Variants in RBM4 observed in about 807,000 individuals in gnomAD.
The protein encoded by RBM4 is RNA binding motif protein 4.
A neutral mutation model predicts 29.5 loss-of-function variants in RBM4; 7 were observed. That is an observed-to-expected ratio of 0.24 (90% CI 0.14 to 0.45). RBM4 has a LOEUF of 0.45. Among genes scored for constraint, RBM4 ranks in the 20% least tolerant of loss-of-function variants. The probability of loss-of-function intolerance (pLI) is 1.00; values close to 1 mark genes in which losing one functional copy is unlikely to be tolerated. For synonymous variants in RBM4, 220 were observed against 205.4 expected, an observed-to-expected ratio of 1.07 and a Z score of -0.61; for missense variants, 387 against 502.3, an observed-to-expected ratio of 0.77 and a Z score of 2.19.
intron 2 of RBM4, among the ~76,000 whole-genome samples, chr11:66,654,754 G>A (rs1168797399): frequency 6.7e-6 from 1 of 148,168 alleles, no homozygotes; most frequent in Non-Finnish European, 1.5e-5. Flanking sequence ...CTGCGCTTAA[G>A]TGATCATCCT....
intron 2 of RBM4, among the ~76,000 whole-genome samples, chr11:66,657,191 T>C (rs1373528066): frequency 3.4e-5 from 5 of 147,416 alleles, no homozygotes; most frequent in Non-Finnish European, 7.4e-5. Flanking sequence ...TATGGCTCAA[T>C]GCAGCCTCAA....
rs746698768 is a variant in RBM4, at chr11:66,660,649, C to CT, written c.413-5190dup. Among the ~76,000 whole-genome samples the CT allele has an allele frequency of 3.0e-3, 401 of 132,570 alleles. No homozygotes were observed. In the East Asian group the frequency reaches 0.035, roughly 12 times the overall value. 87.0% of individuals were successfully genotyped at this position (132,570 alleles called of 152,430 possible). On this transcript the variant is annotated intron_variant, in intron 2 of 2. Transcript: ENST00000396053. ...GGTAGGCCACTGCACCCGACCTAAA[C>CT]TTTTTTTTTTTTTTTTTAATTTGAG...
At position 66,644,070 on chromosome 11, in the gene RBM4, TACG is replaced by T; in HGVS notation, c.1036_1038del (p.Asp346del). The T allele has an allele frequency of 6.2e-7, 1 of 1,614,060 alleles. No homozygotes were observed. The highest frequency in any genetic ancestry group is 8.5e-7 in the Non-Finnish European group (1 of 1,180,012). On this transcript the variant is annotated inframe_deletion, in exon 3 of 4. Transcript: ENST00000310092. ...TTCAGCAGCCGCGCGGAATTCTCTG[TACG>T]ACATGGCCCGGTATGAGCGGGAGCA...
chr11:66,657,190 A>G (rs1226415257), intron 2 of RBM4, among the ~76,000 whole-genome samples: 3 of 147,116 alleles, frequency 2.0e-5, no homozygotes, highest in African/African-American at 7.6e-5. Flanking sequence ...GTATGGCTCA[A>G]TGCAGCCTCA....
At position 66,644,115 on chromosome 11, in the gene RBM4, C is replaced by T. The variant is rs747251184; in HGVS notation, c.1078C>T (p.Arg360Trp). 35 of 1,613,146 alleles carry T rather than the reference C, an allele frequency of 2.2e-5. No homozygotes were observed. The highest frequency in any genetic ancestry group is 3.3e-5 in the Admixed American group (2 of 59,922). Residue 360 changes from arginine to tryptophan, a missense_variant, in exon 3 of 4, where the codon CGG becomes TGG. This residue lies in a region of RBM4 where 281 missense variants were observed against 288.7 expected (regional missense o/e 0.97). Coordinates refer to ENST00000310092, the MANE Select transcript of RBM4 (RefSeq NM_002896.4). ...YEREQYADRA[R>W]YSAF ...GCGGGAGCAGTATGCCGATCGGGCG[C>T]GGTACTCAGCCTTTTAAAGCTTGAG...
At chr11:66,655,791 A>G (rs1182512013) in intron 2 of RBM4, among the ~76,000 whole-genome samples, 1 of 152,196 alleles carries the variant, frequency 6.6e-6, no homozygotes, top group African/African-American at 2.4e-5. Flanking sequence ...CAGATCTAGT[A>G]GTTAATCTTC....
At chr11:66,648,524 A>G (rs1293168770), downstream of RBM4, among the ~76,000 whole-genome samples, 1 of 151,488 alleles carries the variant, frequency 6.6e-6, no homozygotes, top group East Asian at 2.0e-4. Flanking sequence ...ATTTGTCTCA[A>G]AAACTTTTTG....
rs149056966 is a variant in RBM4 at position 66,654,636 on chromosome 11, G to A, written c.413-11220G>A. Among the ~76,000 whole-genome samples the A allele has an allele frequency of 5.0e-3, 756 of 151,470 alleles. 4 individuals are homozygous for A. The highest frequency in any genetic ancestry group is 0.017 in the African/African-American group (719 of 41,322). On this transcript the variant is annotated intron_variant, in intron 2 of 2. Transcript: ENST00000396053. ...CTCGCCTCAGCCTCCTGGGTAGCTG[G>A]GACTACAGGCACGCACCACCACGCC...
intron 3 of RBM4, among the ~76,000 whole-genome samples, chr11:66,645,607 T>C (rs1229494559): frequency 6.6e-6 from 1 of 152,206 alleles, no homozygotes. Context: ...AACTCGGACC[T>C]TGGCAGTAAC....
intron 2 of RBM4, among the ~76,000 whole-genome samples, chr11:66,656,131 C>T (rs991768937): frequency 5.3e-5 from 8 of 151,738 alleles, no homozygotes; most frequent in South Asian, 2.1e-4. Context: ...CCACCATGCC[C>T]GGCTAATTTT....
At chr11:66,663,728 G>GTATA (rs1487153349) in intron 2 of RBM4, among the ~76,000 whole-genome samples, 9 of 151,368 alleles carry the variant, frequency 5.9e-5, no homozygotes, top group African/African-American at 1.7e-4. Context: ...GTGTGTGTGT[G>GTATA]TATATATGTT....
chr11:66,639,254 A>G (rs2135050801), intron 1 of RBM4: 1 of 164,862 alleles, frequency 6.1e-6, no homozygotes, highest in East Asian at 1.8e-4. Flanking sequence ...AAATGTAGCT[A>G]TTACAAGGCC....
chr11:66,659,086 C>T (rs1353194233), intron 2 of RBM4, among the ~76,000 whole-genome samples: 1 of 149,402 alleles, frequency 6.7e-6, no homozygotes, highest in African/African-American at 2.5e-5. Flanking sequence ...AAAATTAATA[C>T]AATTTAATTT....
At chr11:66,661,768 G>A (rs900261219) in intron 2 of RBM4, among the ~76,000 whole-genome samples, 46 of 152,294 alleles carry the variant, frequency 3.0e-4, no homozygotes, top group African/African-American at 1.0e-3. Context: ...GGTGGCTCAC[G>A]CCTGTAATCC....
intron 2 of RBM4, among the ~76,000 whole-genome samples, chr11:66,641,473 T>C (rs957902771): frequency 2.0e-5 from 3 of 152,210 alleles, no homozygotes; most frequent in Admixed American, 6.5e-5. Context: ...TTGAGAATTA[T>C]TTTGTCAACA....
intron 1 of RBM4, 146 bp from the exon 2 acceptor site, chr11:66,639,554 A>C: frequency 9.5e-7 from 1 of 1,048,336 alleles, no homozygotes; most frequent in Non-Finnish European, 1.4e-6. Flanking sequence ...GTTCACTCCC[A>C]CTTCCATTTG....
At chr11:66,654,758 T>A (rs1360052066) in intron 2 of RBM4, among the ~76,000 whole-genome samples, 1 of 150,758 alleles carries the variant, frequency 6.6e-6, no homozygotes, top group Non-Finnish European at 1.5e-5. Flanking sequence ...GCTTAAGTGA[T>A]CATCCTGCCT....
chr11:66,663,598 G>A (rs1236070271), intron 2 of RBM4, among the ~76,000 whole-genome samples: 1 of 151,930 alleles, frequency 6.6e-6, no homozygotes, highest in Non-Finnish European at 1.5e-5. Context: ...CAAAGTGCTG[G>A]GATTACAGGC....
intron 2 of RBM4, among the ~76,000 whole-genome samples, chr11:66,658,337 CTTTTT>C (rs35133059): frequency 8.7e-4 from 44 of 50,460 alleles, no homozygotes; most frequent in African/African-American, 2.6e-3. Context: ...CTAGTCTGAC[CTTTTT>C]TTTTTTTTTT....
Sources: allele counts gnomAD v4.1 joint callset (sites outside exome capture counted in the v4.1 genomes callset), GRCh38; gene constraint gnomAD v4.1.1; regional missense constraint gnomAD v4.1.1; transcripts MANE v1.5; gene names NCBI Gene and HGNC (gene_info 2026-07-23, HGNC 2026-07-21).